Variants in ADAMTS9 observed in about 807,000 individuals in gnomAD.
ADAMTS9 encodes A disintegrin and metalloproteinase with thrombospondin motifs 9.
In ADAMTS9, 107 loss-of-function variants were observed where a neutral mutation model predicts 257.1. That is an observed-to-expected ratio of 0.42 (90% confidence interval 0.36 to 0.49). The LOEUF is 0.49. ADAMTS9 is among the 20% of genes least tolerant of loss of function. The pLI is 0.03. For synonymous variants in ADAMTS9, 982 were observed against 880.9 expected (o/e 1.11, Z -2.03); for missense variants, 2,353 against 2,469.1 (o/e 0.95, Z 1.00).
At chr3:64,611,785 G>GCCATGGC (rs1159585070) in intron 22 of ADAMTS9, among the ~76,000 whole-genome samples, 5 of 152,136 alleles carry the variant, frequency 3.3e-5, no homozygotes, top group East Asian at 1.9e-4. Context: ...TTCTTTACAG[G>GCCATGGC]CCATGGCCCA....
At chr3:64,619,965 C>T (rs1700065083) in intron 19 of ADAMTS9, among the ~76,000 whole-genome samples, 1 of 151,660 alleles carries the variant, frequency 6.6e-6, no homozygotes, top group Admixed American at 6.6e-5. Flanking sequence ...TGGACACTAT[C>T]TACAACAAGA....
intron 28 of ADAMTS9, among the ~76,000 whole-genome samples, chr3:64,584,949 C>G (rs764851414): frequency 3.9e-5 from 6 of 152,096 alleles, no homozygotes; most frequent in Non-Finnish European, 7.4e-5. Context: ...AATCCTATGC[C>G]TTTCTTTTTA....
At chr3:64,543,212 T>G (rs1179625469) in intron 32 of ADAMTS9, among the ~76,000 whole-genome samples, 4 of 152,180 alleles carry the variant, frequency 2.6e-5, no homozygotes, top group Non-Finnish European at 5.9e-5. Flanking sequence ...TACCATATCC[T>G]TCTGAAACTA....
intron 15 of ADAMTS9, 91 bp from the exon 16 acceptor site, chr3:64,631,641 T>C: frequency 7.8e-7 from 1 of 1,279,422 alleles, no homozygotes; most frequent in Non-Finnish European, 1.1e-6. Context: ...AGGAATAGAA[T>C]ATAATTCTCA....
chr3:64,541,885 G>C lies in ADAMTS9; in HGVS notation c.5150C>G (p.Thr1717Ser), dbSNP rs377380779. The C allele has an allele frequency of 1.9e-6, 3 of 1,614,062 alleles. No individual in the cohort carries two copies. The highest frequency in any genetic ancestry group is 2.7e-5 in the African/African-American group (2 of 74,926). The change falls in exon 33 of 40, where the codon ACT becomes AGT. Residue 1717 changes from threonine to serine, a missense_variant. Thr to Ser is a moderately conservative substitution (Grantham distance 58). This residue lies in a region of ADAMTS9 where 1,402 missense variants were observed against 1,441.4 expected (regional missense o/e 0.97). Coordinates refer to ENST00000498707, the MANE Select transcript of ADAMTS9 (RefSeq NM_182920.2). ...TTTTCGTTCTTCTGGCTTCAGATCAGTGTGGCATAAGTGGCTGGGTTGGTC... is the reference window on the plus strand; with the variant it reads ...TTTTCGTTCTTCTGGCTTCAGATCACTGTGGCATAAGTGGCTGGGTTGGTC... ...NEDQPSHLCH[T>S]DLKPEERKTC...
intron 30 of ADAMTS9, among the ~76,000 whole-genome samples, chr3:64,557,879 A>G (rs2083361142): frequency 6.6e-6 from 1 of 152,166 alleles, no homozygotes; most frequent in South Asian, 2.1e-4. Flanking sequence ...CTCTTGTCCA[A>G]TTATTCTACC....
At chr3:64,666,197 T>C (rs72892826) in intron 3 of ADAMTS9, among the ~76,000 whole-genome samples, 11,099 of 152,260 alleles carry the variant, frequency 0.073, 1,321 homozygotes, top group African/African-American at 0.25. Flanking sequence ...ATGCACAGTA[T>C]GTTACTAAAT....
chr3:64,612,695 C>G (rs927566441), intron 22 of ADAMTS9, among the ~76,000 whole-genome samples: 1 of 152,132 alleles, frequency 6.6e-6, no homozygotes, highest in Non-Finnish European at 1.5e-5. Context: ...GTACCCTGAA[C>G]GCTTCTGCTT....
At chr3:64,535,975 C>T (rs1240298161) in intron 37 of ADAMTS9, among the ~76,000 whole-genome samples, 1 of 152,304 alleles carries the variant, frequency 6.6e-6, no homozygotes, top group Non-Finnish European at 1.5e-5. Flanking sequence ...GCTTTCCACT[C>T]AGACTGCCTG....
chr3:64,555,474 C>T (rs1438314531), intron 30 of ADAMTS9, among the ~76,000 whole-genome samples: 1 of 152,150 alleles, frequency 6.6e-6, no homozygotes, highest in African/African-American at 2.4e-5. Context: ...GTCTCTCTCC[C>T]TGTTAGGACA....
intron 6 of ADAMTS9, 36 bp from the exon 7 acceptor site, chr3:64,654,648 A>G (rs749197997): frequency 2.5e-6 from 4 of 1,609,652 alleles, no homozygotes; most frequent in Non-Finnish European, 3.4e-6. Context: ...TGATGACATC[A>G]AAGAGTAAAT....
intron 28 of ADAMTS9, among the ~76,000 whole-genome samples, chr3:64,581,750 C>A (rs886461166): frequency 9.9e-5 from 15 of 152,132 alleles, no homozygotes; most frequent in African/African-American, 3.1e-4. Context: ...TATGGAAAAC[C>A]AAGATCTCTT....
At chr3:64,609,015 G>GA (rs1199403776) in intron 22 of ADAMTS9, among the ~76,000 whole-genome samples, 120 of 145,752 alleles carry the variant, frequency 8.2e-4, no homozygotes, top group African/African-American at 2.5e-3. Flanking sequence ...TAGAACAATG[G>GA]AAAAAAAAAC....
Position 64,605,600 on chromosome 3 carries a change from C to T in ADAMTS9, c.3475-1269G>A, listed in dbSNP as rs146331578. 8.5e-5 allele frequency among the ~76,000 whole-genome samples: 13 copies of T among 152,284 alleles called. No homozygotes were observed. The East Asian group carries it at 2.5e-3, about 29-fold the overall frequency. ...TCTGGGAATAGCCTGGGTTCAAATG[C>T]CATCTTCAGCAATTAGCAAAGCTGC... is the stretch of plus-strand genomic sequence containing the variant. On this transcript the variant is annotated intron_variant, in intron 23 of 39. Coordinates refer to ENST00000498707, the MANE Select transcript of ADAMTS9 (RefSeq NM_182920.2).
rs762630043 is a variant in ADAMTS9 at position 64,613,445 on chromosome 3, C to T, written c.3254G>A (p.Arg1085Gln). 5 of 1,613,950 alleles carry T rather than the reference C, an allele frequency of 3.1e-6. No individual in the cohort carries two copies. Among genetic ancestry groups the T allele is most frequent in the South Asian group, 1.1e-5 (1 of 91,076 alleles). Reference protein sequence around the residue: ...RQVWCQFGEDRLNDRMCDPET... With the variant: ...RQVWCQFGEDQLNDRMCDPET... ...AGGGTCACACATTCTATCATTTAAT[C>T]GATCTTCACCAAACTGACACCAGAC... Residue 1085 changes from arginine to glutamine, a missense_variant, in exon 22 of 40, where the codon CGA becomes CAA. By Grantham distance (43) the Arg-to-Gln change is conservative. This residue lies in a region of ADAMTS9 where 1,402 missense variants were observed against 1,441.4 expected (regional missense o/e 0.97). Transcript: ENST00000498707.
chr3:64,543,705 C>T (rs1350624775), intron 32 of ADAMTS9, among the ~76,000 whole-genome samples: 1 of 152,160 alleles, frequency 6.6e-6, no homozygotes, highest in Non-Finnish European at 1.5e-5. Flanking sequence ...TGAAAATTGG[C>T]ACAAGACAGG....
chr3:64,553,220 C>T (rs970988057), intron 30 of ADAMTS9, among the ~76,000 whole-genome samples: 5 of 152,164 alleles, frequency 3.3e-5, no homozygotes, highest in Admixed American at 6.5e-5. Flanking sequence ...TTCCTTCCTT[C>T]CTGTAGCCCC....
intron 7 of ADAMTS9, 45 bp from the exon 8 acceptor site, chr3:64,654,503 A>T (rs1381595825): frequency 6.2e-7 from 1 of 1,601,330 alleles, no homozygotes; most frequent in South Asian, 1.1e-5. Flanking sequence ...CTAAAAAGCA[A>T]CTGTGGCTTG....
intron 3 of ADAMTS9, among the ~76,000 whole-genome samples, chr3:64,679,596 A>G (rs1357321226): frequency 6.6e-6 from 1 of 152,254 alleles, no homozygotes; most frequent in East Asian, 1.9e-4. Context: ...GAAGAATATC[A>G]TGAAGTGTCA....
Sources: allele counts gnomAD v4.1 joint callset (sites outside exome capture counted in the v4.1 genomes callset), GRCh38; gene constraint gnomAD v4.1.1; regional missense constraint gnomAD v4.1.1; transcripts MANE v1.5; gene names NCBI Gene and HGNC (gene_info 2026-07-23, HGNC 2026-07-21).